The following SH3BP5 variants were observed in gnomAD, a reference collection of about 807,000 sequenced individuals.
SH3BP5 encodes the protein SH3 domain-binding protein 5.
A neutral mutation model predicts 43.3 loss-of-function variants in SH3BP5; 22 were observed. The ratio of observed to expected loss-of-function variants is 0.51; its 90% CI spans 0.36 to 0.73. The LOEUF (loss-of-function observed/expected upper bound fraction) is 0.73, where lower values mean the gene tolerates loss of function less well. Ranked by LOEUF, SH3BP5 falls within the 30% of genes least tolerant of loss-of-function variation. The pLI is 0.00. For synonymous variants in SH3BP5, 255 were observed against 225.8 expected, an observed-to-expected ratio of 1.13 and a Z score of -1.16; for missense variants, 529 against 586.9, an observed-to-expected ratio of 0.90 and a Z score of 1.02.
chr3:15,261,718 A>C (rs1696448322), intron 5 of SH3BP5, among the ~76,000 whole-genome samples: 1 of 151,816 alleles, frequency 6.6e-6, no homozygotes, highest in Admixed American at 6.6e-5. Context: ...AAAAAACTCT[A>C]CTAAAGCCAG....
intron 2 of SH3BP5, among the ~76,000 whole-genome samples, chr3:15,313,584 A>G (rs189144340): frequency 2.1e-4 from 32 of 152,286 alleles, no homozygotes; most frequent in African/African-American, 7.2e-4. Flanking sequence ...CACCCATCCA[A>G]TCTATTCTCT....
At chr3:15,310,769 T>C (rs1698034973) in intron 2 of SH3BP5, among the ~76,000 whole-genome samples, 1 of 152,162 alleles carries the variant, frequency 6.6e-6, no homozygotes, top group African/African-American at 2.4e-5. Context: ...TTGTGTTTCA[T>C]CCATTAGGTG....
At chr3:15,293,296 AG>A (rs764313310) in intron 3 of SH3BP5, among the ~76,000 whole-genome samples, 2 of 152,256 alleles carry the variant, frequency 1.3e-5, no homozygotes, top group Non-Finnish European at 2.9e-5. Flanking sequence ...CCAGGGCCAC[AG>A]GGAAGAACGT....
upstream of SH3BP5, chr3:15,333,206 C>T (rs1698658904): frequency 1.0e-6 from 1 of 985,328 alleles, no homozygotes; most frequent in Admixed American, 6.1e-5. Flanking sequence ...ACTTTCTGCC[C>T]ACCATCAACA....
chr3:15,337,089 T>TG (rs1359383903), upstream of SH3BP5, among the ~76,000 whole-genome samples: 1 of 136,102 alleles, frequency 7.3e-6, no homozygotes, highest in African/African-American at 2.7e-5. Flanking sequence ...GTTTAGTTTT[T>TG]TTTTTTTTTT....
chr3:15,257,023 C>T lies in SH3BP5; in HGVS notation c.980G>A (p.Gly327Glu). The stretch of plus-strand genomic sequence containing the variant: ...AGGCATCTCAGACGGGCTTGTTGGT[C>T]CTGAACTAAAGCTGGACACGGACTG... ...ETQSVSSFSS[G>E]PTSPSEMPDQ... Residue 327 changes from glycine (G) to glutamate (E), a missense_variant, in exon 8 of 9, where the codon GGA becomes GAA. This residue lies in a region of SH3BP5 where 369 missense variants were observed against 384.3 expected (regional missense o/e 0.96). Transcript: ENST00000383791. 1 of 1,614,196 alleles carries T rather than the reference C, an allele frequency of 6.2e-7. No homozygotes were observed. The highest frequency in any genetic ancestry group is 8.5e-7 in the Non-Finnish European group (1 of 1,180,032).
intron 8 of SH3BP5, chr3:15,256,637 A>AC: frequency 1.6e-6 from 1 of 611,678 alleles, no homozygotes; most frequent in Non-Finnish European, 2.8e-6. Flanking sequence ...GAGACATAGG[A>AC]CCTAAGCTCT....
upstream of SH3BP5, among the ~76,000 whole-genome samples, chr3:15,335,052 C>T (rs568747253): frequency 2.0e-5 from 3 of 151,696 alleles, no homozygotes; most frequent in East Asian, 3.9e-4. Flanking sequence ...GCAGGAGAGA[C>T]GATCGCTTGA....
At chr3:15,338,844 T>G (rs2124845327) in intron 1 of SH3BP5, among the ~76,000 whole-genome samples, 1 of 152,192 alleles carries the variant, frequency 6.6e-6, no homozygotes, top group East Asian at 1.9e-4. Context: ...TAGGATGGCA[T>G]GTAGTCTCAA....
At chr3:15,293,229 C>T (rs1236617360) in intron 3 of SH3BP5, among the ~76,000 whole-genome samples, 1 of 152,238 alleles carries the variant, frequency 6.6e-6, no homozygotes. Context: ...TTACTTTGGG[C>T]AGCAGGAATG....
rs1333973822 is a variant in SH3BP5, at chr3:15,256,312, A to G, written c.1151-9T>C. On this transcript the variant is annotated splice_polypyrimidine_tract_variant and intron_variant, in intron 8 of 8. Transcript: ENST00000383791. The stretch of plus-strand genomic sequence containing the variant: ...CCCTTCTGCCCTGTCTCCTATAGAA[A>G]TACAAGGATTATCAAAAGTGAGTAT... 3.7e-6 allele frequency: 6 copies of G among 1,610,934 alleles called. No homozygotes were observed. Among genetic ancestry groups the G allele is most frequent in the Non-Finnish European group, 5.1e-6 (6 of 1,178,802 alleles).
rs962454008 is a variant in SH3BP5, at chr3:15,259,889, T to C, written c.627-86A>G. On this transcript the variant is annotated intron_variant, in intron 5 of 8. Coordinates refer to ENST00000383791, the MANE Select transcript of SH3BP5 (RefSeq NM_004844.5). Reference sequence around the variant, plus strand: ...CACAAGATGAACAAGAGGCATCAGCTACCACTGGCCAGGTCGTCCTTCCAA... The same window carrying C: ...CACAAGATGAACAAGAGGCATCAGCCACCACTGGCCAGGTCGTCCTTCCAA... 41 of 1,228,560 alleles carry C rather than the reference T, an allele frequency of 3.3e-5. No individual in the cohort carries two copies. In the African/African-American group the frequency reaches 6.1e-4, roughly 18 times the overall value. 76.1% of individuals were successfully genotyped at this position (1,228,560 alleles called of 1,614,324 possible).
chr3:15,257,223 T>C (rs1696243729), intron 7 of SH3BP5, 110 bp from the exon 8 acceptor site: 1 of 1,132,982 alleles, frequency 8.8e-7, no homozygotes, highest in Non-Finnish European at 1.3e-6. Context: ...AAAGAGTCTC[T>C]ACCTCTGTGA....
upstream of SH3BP5, among the ~76,000 whole-genome samples, chr3:15,337,384 T>C (rs1698713950): frequency 6.6e-6 from 1 of 152,202 alleles, no homozygotes; most frequent in Admixed American, 6.5e-5. Flanking sequence ...CAAGAGTTTT[T>C]ATTTAATGTT....
At chr3:15,304,969 T>G (rs1455777087) in intron 2 of SH3BP5, among the ~76,000 whole-genome samples, 1 of 151,376 alleles carries the variant, frequency 6.6e-6, no homozygotes, top group African/African-American at 2.4e-5. Context: ...AATACAAAAA[T>G]TAGCCGGGCA....
intron 6 of SH3BP5, 46 bp downstream of exon 6, chr3:15,259,715 A>C (rs1010906656): frequency 6.3e-7 from 1 of 1,578,122 alleles, no homozygotes; most frequent in African/African-American, 1.3e-5. Flanking sequence ...TGAAGCTTTG[A>C]GTGCAGAAAA....
intron 2 of SH3BP5, among the ~76,000 whole-genome samples, chr3:15,318,818 G>A (rs751119342): frequency 6.6e-6 from 1 of 152,158 alleles, no homozygotes; most frequent in Non-Finnish European, 1.5e-5. Context: ...GCCATCTGCT[G>A]GCCTCGGCCT....
chr3:15,315,037 C>G (rs886511405), intron 2 of SH3BP5, among the ~76,000 whole-genome samples: 2 of 152,108 alleles, frequency 1.3e-5, no homozygotes, highest in Non-Finnish European at 1.5e-5. Flanking sequence ...GTGCAGAGAA[C>G]CATGAGGTGG....
At chr3:15,315,223 G>C (rs1698156280) in intron 2 of SH3BP5, among the ~76,000 whole-genome samples, 1 of 151,900 alleles carries the variant, frequency 6.6e-6, no homozygotes, top group African/African-American at 2.4e-5. Context: ...GAAACATGTG[G>C]TTTCCCTACG....
Sources: gnomAD v4.1 joint callset for allele counts (sites outside exome capture counted in the v4.1 genomes callset) on GRCh38, gnomAD v4.1.1 for gene constraint, gnomAD v4.1.1 regional missense constraint, MANE v1.5 for transcripts, NCBI Gene and HGNC (gene_info 2026-07-23, HGNC 2026-07-21) for gene names.